Variants in KHDRBS2 observed in about 807,000 individuals in gnomAD.
KHDRBS2 encodes the protein KH domain-containing, RNA-binding, signal transduction-associated protein 2.
A neutral mutation model predicts 44.3 loss-of-function variants in KHDRBS2; 26 were observed. The observed-to-expected ratio is 0.59, with a 90% CI of 0.43 to 0.81. The LOEUF (loss-of-function observed/expected upper bound fraction) is 0.81, where lower values mean the gene tolerates loss of function less well. KHDRBS2 is among the 40% of genes least tolerant of loss of function. The pLI is 0.00. For missense variants in KHDRBS2, 476 were observed against 433.1 expected (o/e 1.10, Z -0.88); for synonymous variants, 194 against 151.1 (o/e 1.28, Z -2.08).
intron 6 of KHDRBS2, among the ~76,000 whole-genome samples, chr6:61,782,851 A>G (rs1205382491): frequency 6.6e-6 from 1 of 151,486 alleles, no homozygotes; most frequent in Admixed American, 6.6e-5. Context: ...TTGGGTCCAC[A>G]TGTCTCTCAT....
intron 4 of KHDRBS2, among the ~76,000 whole-genome samples, chr6:61,958,806 T>A (rs181362140): frequency 1.2e-4 from 18 of 152,300 alleles, no homozygotes; most frequent in Admixed American, 1.0e-3. Context: ...TTTGACCCTT[T>A]GATCTATAAC....
At chr6:61,742,922 A>G (rs1414116628) in intron 6 of KHDRBS2, among the ~76,000 whole-genome samples, 1 of 152,090 alleles carries the variant, frequency 6.6e-6, no homozygotes, top group Non-Finnish European at 1.5e-5. Context: ...TGTACACTCA[A>G]TATAAAGGCT....
chr6:61,914,966 A>C (rs1460087907), intron 4 of KHDRBS2, among the ~76,000 whole-genome samples: 1 of 152,186 alleles, frequency 6.6e-6, no homozygotes, highest in Non-Finnish European at 1.5e-5. Context: ...CCATGACAGA[A>C]AAGTAACGGA....
chr6:61,828,863 T>C lies in KHDRBS2; in HGVS notation c.810+65772A>G, dbSNP rs114400646. Reference sequence around the variant, plus strand: ...TATTTATCTTTGTATACATGACACATAGGTGATGCTTCACATTAGTTTGTC... The same window carrying C: ...TATTTATCTTTGTATACATGACACACAGGTGATGCTTCACATTAGTTTGTC... On this transcript the variant is annotated intron_variant, in intron 6 of 8. Transcript: ENST00000281156. 1.9e-3 allele frequency among the ~76,000 whole-genome samples: 291 copies of C among 152,374 alleles called. 2 individuals carry two copies. The highest frequency in any genetic ancestry group is 6.3e-3 in the African/African-American group (262 of 41,598).
intron 2 of KHDRBS2, among the ~76,000 whole-genome samples, chr6:62,100,962 C>T (rs1801738043): frequency 6.6e-6 from 1 of 152,150 alleles, no homozygotes; most frequent in African/African-American, 2.4e-5. Flanking sequence ...TGAGAATAAA[C>T]ATTCAACACT....
intron 2 of KHDRBS2, among the ~76,000 whole-genome samples, chr6:62,167,538 C>T (rs981914795): frequency 1.3e-5 from 2 of 152,028 alleles, no homozygotes; most frequent in Non-Finnish European, 2.9e-5. Flanking sequence ...ATATGGTCTA[C>T]AGCAATTTGA....
At chr6:62,111,308 A>T (rs183595685) in intron 2 of KHDRBS2, among the ~76,000 whole-genome samples, 58 of 152,244 alleles carry the variant, frequency 3.8e-4, no homozygotes, top group African/African-American at 1.3e-3. Flanking sequence ...AGAATACTGA[A>T]ATTATACTAC....
the KHDRBS2 span, among the ~76,000 whole-genome samples, chr6:61,664,830 T>G: frequency 9.2e-5 from 14 of 151,842 alleles, no homozygotes; most frequent in East Asian, 2.5e-3. Flanking sequence ...TTAAATTGAT[T>G]TGAATTTGAT....
intron 6 of KHDRBS2, among the ~76,000 whole-genome samples, chr6:61,788,052 AT>A (rs1189395702): frequency 6.6e-6 from 1 of 151,616 alleles, no homozygotes; most frequent in Non-Finnish European, 1.5e-5. Flanking sequence ...GTTGGGAATA[AT>A]TTTTTAAGTG....
intron 2 of KHDRBS2, among the ~76,000 whole-genome samples, chr6:62,066,358 C>T (rs1793725027): frequency 6.6e-6 from 1 of 151,580 alleles, no homozygotes; most frequent in African/African-American, 2.4e-5. Context: ...AATCTTTGCC[C>T]TTTTAATACT....
At chr6:61,734,848 C>T (rs1447861555) in intron 6 of KHDRBS2, among the ~76,000 whole-genome samples, 5 of 152,054 alleles carry the variant, frequency 3.3e-5, no homozygotes, top group Admixed American at 3.3e-4. Context: ...TCAGCTCATC[C>T]ATAATGTTTT....
intron 6 of KHDRBS2, among the ~76,000 whole-genome samples, chr6:61,782,245 G>C: frequency 6.6e-6 from 1 of 151,918 alleles, no homozygotes; most frequent in East Asian, 1.9e-4. Context: ...TTAAATTCTT[G>C]TTTTATCAGG....
intron 6 of KHDRBS2, among the ~76,000 whole-genome samples, chr6:61,787,150 A>G (rs542005004): frequency 1.4e-4 from 20 of 144,934 alleles, no homozygotes; most frequent in Middle Eastern, 3.6e-3. Context: ...GAAATGTCCA[A>G]TGATTTATTT....
intron 1 of KHDRBS2, among the ~76,000 whole-genome samples, chr6:62,262,307 G>A (rs1838480074): frequency 6.6e-6 from 1 of 151,734 alleles, no homozygotes; most frequent in Non-Finnish European, 1.5e-5. Context: ...CTGAAATGAG[G>A]ACTCAGGAAT....
chr6:62,118,961 T>A (rs1318845407), intron 2 of KHDRBS2, among the ~76,000 whole-genome samples: 6 of 152,190 alleles, frequency 3.9e-5, no homozygotes, highest in African/African-American at 1.4e-4. Context: ...TGTGGTCATG[T>A]GAGTGAATAC....
At chr6:62,133,852 G>A (rs1417431860) in intron 2 of KHDRBS2, among the ~76,000 whole-genome samples, 1 of 152,164 alleles carries the variant, frequency 6.6e-6, no homozygotes. Flanking sequence ...CTGGCCTAGA[G>A]ATCTGAACTT....
At chr6:62,281,970 A>G (rs1000709659) in intron 1 of KHDRBS2, among the ~76,000 whole-genome samples, 2 of 152,206 alleles carry the variant, frequency 1.3e-5, no homozygotes, top group Non-Finnish European at 2.9e-5. Flanking sequence ...TTTAAGAAAC[A>G]TAAGATTATC....
chr6:62,073,314 C>A (rs34581506), intron 2 of KHDRBS2, among the ~76,000 whole-genome samples: 1 of 150,430 alleles, frequency 6.6e-6, no homozygotes, highest in Non-Finnish European at 1.5e-5. Context: ...AACAACTTTT[C>A]ATCTCATCTA....
intron 4 of KHDRBS2, among the ~76,000 whole-genome samples, chr6:61,946,835 T>C (rs1350693821): frequency 6.6e-6 from 1 of 152,156 alleles, no homozygotes; most frequent in Non-Finnish European, 1.5e-5. Flanking sequence ...GACCTCTCTC[T>C]TTCTTCTGAC....
Sources: gnomAD v4.1 joint callset for allele counts (sites outside exome capture counted in the v4.1 genomes callset) on GRCh38, gnomAD v4.1.1 for gene constraint, MANE v1.5 for transcripts, NCBI Gene and HGNC (gene_info 2026-07-23, HGNC 2026-07-21) for gene names.